The following METTL15 variants were observed in gnomAD, a reference collection of about 807,000 sequenced individuals.
METTL15 encodes 12S rRNA N(4)-cytidine methyltransferase METTL15.
METTL15 carries 34 observed loss-of-function variants against 38.3 expected under a neutral mutation model. The ratio of observed to expected loss-of-function variants is 0.89; its 90% CI spans 0.68 to 1.18. The LOEUF is 1.18. Ranked by LOEUF, METTL15 falls within the 50% of genes most tolerant of loss-of-function variation. METTL15 has a pLI of 0.00. For synonymous variants in METTL15, 162 were observed against 170.9 expected (o/e 0.95, Z 0.41); for missense variants, 438 against 498.4 (o/e 0.88, Z 1.15).
At chr11:28,384,626 T>A (rs919609061) in intron 5 of METTL15, among the ~76,000 whole-genome samples, 1 of 152,092 alleles carries the variant, frequency 6.6e-6, no homozygotes, top group Non-Finnish European at 1.5e-5. Flanking sequence ...GTCTTTATGA[T>A]AGAATGATTT....
chr11:28,340,093 G>A (rs761847898), intron 3 of METTL15, among the ~76,000 whole-genome samples: 11 of 152,164 alleles, frequency 7.2e-5, no homozygotes, highest in Middle Eastern at 6.8e-3. Context: ...AGGAGATAGA[G>A]AAGTATACGT....
chr11:28,235,053 T>C (rs1853884922), intron 4 of METTL15, among the ~76,000 whole-genome samples: 1 of 152,220 alleles, frequency 6.6e-6, no homozygotes, highest in Non-Finnish European at 1.5e-5. Context: ...CACCATTTAT[T>C]AAATAGGGAC....
At chr11:28,470,941 T>C (rs1279708918) in intron 6 of METTL15, among the ~76,000 whole-genome samples, 4 of 152,094 alleles carry the variant, frequency 2.6e-5, no homozygotes, top group Admixed American at 1.3e-4. Flanking sequence ...CCCTACCCCA[T>C]CACCTCATTT....
intron 4 of METTL15, among the ~76,000 whole-genome samples, chr11:28,282,230 T>C (rs1345242712): frequency 6.6e-6 from 1 of 152,212 alleles, no homozygotes; most frequent in Non-Finnish European, 1.5e-5. Flanking sequence ...CTATTTGGTC[T>C]CTACCCAGAT....
chr11:28,328,036 G>A, intron 6 of METTL15: 1 of 1,532,982 alleles, frequency 6.5e-7, no homozygotes, highest in Non-Finnish European at 8.9e-7. Flanking sequence ...TGATTTATGT[G>A]CTCCATGAAT....
intron 6 of METTL15, among the ~76,000 whole-genome samples, chr11:28,432,794 A>G (rs978928972): frequency 6.6e-6 from 1 of 152,224 alleles, no homozygotes; most frequent in Non-Finnish European, 1.5e-5. Context: ...TAGGGGAGGT[A>G]ATATGGAAGC....
At chr11:28,312,213 T>C (rs931457122) in intron 6 of METTL15, among the ~76,000 whole-genome samples, 7 of 152,224 alleles carry the variant, frequency 4.6e-5, no homozygotes, top group African/African-American at 1.4e-4. Flanking sequence ...ATGTGTTTTA[T>C]TATTAATTAT....
At position 28,326,287 on chromosome 11, in the gene METTL15, G is replaced by T. The variant is rs867870059; in HGVS notation, c.779-4109G>T. On this transcript the variant is annotated intron_variant, in intron 6 of 6. Transcript: ENST00000407364. ...ATAAGAGTAGGCATTGAATCTGTTAGTTTTTTTTTTTTATCTTGTGTTCTT... is the reference window on the plus strand; with the variant it reads ...ATAAGAGTAGGCATTGAATCTGTTATTTTTTTTTTTTTATCTTGTGTTCTT... Among the ~76,000 whole-genome samples the T allele has an allele frequency of 1.5e-4, 22 of 146,350 alleles. 1 individual carries two copies. Among genetic ancestry groups the T allele is most frequent in the African/African-American group, 5.2e-4 (21 of 40,184 alleles).
intron 5 of METTL15, among the ~76,000 whole-genome samples, chr11:28,393,714 T>C (rs1420786868): frequency 6.6e-6 from 1 of 152,098 alleles, no homozygotes; most frequent in African/African-American, 2.4e-5. Flanking sequence ...TGATCTACCC[T>C]TGGAAATTAC....
At chr11:28,384,153 T>C (rs1401240609) in intron 5 of METTL15, among the ~76,000 whole-genome samples, 1 of 152,202 alleles carries the variant, frequency 6.6e-6, no homozygotes, top group Non-Finnish European at 1.5e-5. Context: ...TTCATTTTTA[T>C]GGCTGCAAAG....
chr11:28,483,575 T>A (rs1483258334), intron 6 of METTL15, among the ~76,000 whole-genome samples: 1 of 152,162 alleles, frequency 6.6e-6, no homozygotes, highest in African/African-American at 2.4e-5. Context: ...TCTGTGAAGT[T>A]CCAGATTGTA....
At chr11:28,309,268 C>A (rs572291776) in intron 6 of METTL15, among the ~76,000 whole-genome samples, 2 of 152,286 alleles carry the variant, frequency 1.3e-5, no homozygotes, top group Admixed American at 1.3e-4. Context: ...TCGCTTTTGA[C>A]TCGTCACAAA....
rs1849781439 is a variant in METTL15, at chr11:28,330,522, G to A, written c.905G>A (p.Gly302Glu). ...AATGAGCTCAATGAACTCTACACGG[G>A]ACTGAAGACAGCTCAGAAGTTTCTG... ...VNNELNELYT[G>E]LKTAQKFLRP... is the part of the protein sequence containing the mutation. Residue 302 changes from glycine (G) to glutamate (E), a missense_variant, in exon 7 of 7, where the codon GGA becomes GAA. By Grantham distance (98) the Gly-to-Glu change is moderately conservative. Coordinates refer to ENST00000407364, the MANE Select transcript of METTL15 (RefSeq NM_001113528.2). The A allele has an allele frequency of 6.4e-7, 1 of 1,551,576 alleles. No individual in the cohort carries two copies. Among genetic ancestry groups the A allele is most frequent in the Non-Finnish European group, 8.7e-7 (1 of 1,146,960 alleles).
At chr11:28,193,517 A>T (rs931520546) in intron 3 of METTL15, among the ~76,000 whole-genome samples, 1 of 152,066 alleles carries the variant, frequency 6.6e-6, no homozygotes, top group Non-Finnish European at 1.5e-5. Context: ...CCATAATCCA[A>T]TTGCCTCCCT....
intron 4 of METTL15, among the ~76,000 whole-genome samples, chr11:28,269,651 ACTAT>A (rs1565213737): frequency 6.6e-6 from 1 of 152,206 alleles, no homozygotes; most frequent in African/African-American, 2.4e-5. Flanking sequence ...ACATTTGTTT[ACTAT>A]CAGCACTAGA....
chr11:28,413,390 G>A (rs1564924299), intron 5 of METTL15, among the ~76,000 whole-genome samples: 1 of 151,982 alleles, frequency 6.6e-6, no homozygotes, highest in Non-Finnish European at 1.5e-5. Context: ...ATTTTGGAAA[G>A]ACACATTTCC....
intron 6 of METTL15, among the ~76,000 whole-genome samples, chr11:28,435,186 G>A (rs148547141): frequency 6.6e-6 from 1 of 152,178 alleles, no homozygotes; most frequent in East Asian, 1.9e-4. Flanking sequence ...TTCAAGTTGG[G>A]GCATCCTACT....
chr11:28,467,155 G>A (rs574347731), intron 6 of METTL15, among the ~76,000 whole-genome samples: 7 of 152,230 alleles, frequency 4.6e-5, no homozygotes, highest in South Asian at 2.1e-4. Context: ...GAGGCACTGC[G>A]GAAAAGTTGA....
intron 4 of METTL15, among the ~76,000 whole-genome samples, chr11:28,266,356 A>C (rs1188719342): frequency 6.6e-6 from 1 of 152,184 alleles, no homozygotes; most frequent in Non-Finnish European, 1.5e-5. Context: ...TGGCACATAT[A>C]CACCATGGAA....
Sources: allele counts gnomAD v4.1 joint callset (sites outside exome capture counted in the v4.1 genomes callset), GRCh38; gene constraint gnomAD v4.1.1; transcripts MANE v1.5; gene names NCBI Gene and HGNC (gene_info 2026-07-23, HGNC 2026-07-21).